TLE7: variants seen among roughly 807,000 people sequenced by gnomAD.
TLE7 encodes the protein transducin-like enhancer protein 7.
In TLE7 at chr16:71,431,783, A is replaced by C. The variant is rs2042805119; in HGVS notation, c.829T>G (p.Leu277Val). ...TACCTGATCAAGATTTGGTTCTGCA[A>C]ATCCCAAATCTCAACAAATCCATGG... ...CFHGFVEIWD[L>V]QNQILIRKHE... The change falls in exon 6 of 10, where the codon TTG (leucine) becomes GTG (valine). Residue 277 changes from leucine (L) to valine (V), a missense_variant. Transcript: ENST00000561754. This position sits in a 1 kb window ranked among gnomAD's most constrained non-coding sequence, Gnocchi z 4.5. 2.5e-6 allele frequency: 1 copy of C among 400,740 alleles called. No individual in the cohort carries two copies. Among genetic ancestry groups the C allele is most frequent in the Non-Finnish European group, 4.4e-6 (1 of 226,238 alleles). 24.8% of individuals were successfully genotyped at this position (400,740 alleles called of 1,614,324 possible). A position where few individuals can be genotyped will look rare whatever the true frequency, so the allele number is the denominator to read the frequency against.
intron 5 of TLE7, 22 bp downstream of exon 5, chr16:71,432,088 T>A (rs577196358): frequency 5.2e-5 from 21 of 401,064 alleles, no homozygotes; most frequent in Middle Eastern, 6.2e-4. Flanking sequence ...GTTCCCTGAG[T>A]CCTGCTTTGG....
At position 71,430,155 on chromosome 16, in the gene TLE7, CAG is replaced by C. The variant is rs1567555222; in HGVS notation, c.*105_*106del. Reference sequence around the variant, plus strand: ...AGGGGAGGGATGACCCAAGCTAAGGCAGAGGAGATGGCAGGTGTTAGAGGTGT... The same window carrying C: ...AGGGGAGGGATGACCCAAGCTAAGGCAGGAGATGGCAGGTGTTAGAGGTGT... On this transcript the variant is annotated 3_prime_UTR_variant, in exon 10 of 10. Coordinates refer to ENST00000561754, the MANE Select transcript of TLE7 (RefSeq NM_001367365.2). 1 of 396,816 alleles carries C rather than the reference CAG, an allele frequency of 2.5e-6. No individual in the cohort carries two copies. Among genetic ancestry groups the C allele is most frequent in the Non-Finnish European group, 4.4e-6 (1 of 225,430 alleles). 24.6% of individuals were successfully genotyped at this position (396,816 alleles called of 1,614,324 possible). A position where few individuals can be genotyped will look rare whatever the true frequency, so the allele number is the denominator to read the frequency against.
intron 1 of TLE7, among the ~76,000 whole-genome samples, chr16:71,441,742 G>C (rs1021665859): frequency 2.6e-5 from 4 of 152,216 alleles, no homozygotes; most frequent in Non-Finnish European, 5.9e-5. Context: ...CTTCCAGACC[G>C]AGGCCAGAGC....
chr16:71,434,238 G>A (rs1273157457), intron 1 of TLE7, among the ~76,000 whole-genome samples: 1 of 152,100 alleles, frequency 6.6e-6, no homozygotes, highest in East Asian at 1.9e-4. Flanking sequence ...AGAATACTCG[G>A]CATTGTACAA....
chr16:71,437,114 C>T (rs1219307914), intron 1 of TLE7, among the ~76,000 whole-genome samples: 5 of 151,908 alleles, frequency 3.3e-5, no homozygotes, highest in African/African-American at 7.3e-5. Flanking sequence ...TTTGGGAAGC[C>T]GAGGCAGGTG....
At position 71,431,909 on chromosome 16, in the gene TLE7, A is replaced by C. The variant is rs2042805803; in HGVS notation, c.703T>G (p.Leu235Val). 1 of 400,608 alleles carries C rather than the reference A, an allele frequency of 2.5e-6. No homozygotes were observed. The highest frequency in any genetic ancestry group is 4.4e-5 in the Admixed American group (1 of 22,710). 24.8% of individuals were successfully genotyped at this position (400,608 alleles called of 1,614,324 possible). A position where few individuals can be genotyped will look rare whatever the true frequency, so the allele number is the denominator to read the frequency against. ...GASQAVTLWDLAPTPQVRAQL... is the reference protein window; with the variant it reads ...GASQAVTLWDVAPTPQVRAQL... ...GCCCTGACCTGGGGGGTGGGTGCCA[A>C]GTCCCAGAGAGTCACGGCCTGGGAC... The change falls in exon 6 of 10, where the codon TTG becomes GTG. Residue 235 changes from leucine (L) to valine (V), a missense_variant. Coordinates refer to ENST00000561754, the MANE Select transcript of TLE7 (RefSeq NM_001367365.2). This position sits in a 1 kb window ranked among gnomAD's most constrained non-coding sequence, Gnocchi z 4.5.
At position 71,431,514 on chromosome 16, in the gene TLE7, G is replaced by C; in HGVS notation, c.900C>G (p.Gly300=). 2.5e-6 allele frequency: 1 copy of C among 400,788 alleles called. No individual in the cohort carries two copies. The highest frequency in any genetic ancestry group is 3.1e-4 in the Middle Eastern group (1 of 3,220). The allele number at this position is 400,788 out of a possible 1,614,324, so 24.8% of individuals were successfully genotyped here. The change falls in exon 7 of 10, where the codon GGC becomes GGG. Residue 300 remains glycine (G), a synonymous_variant. Coordinates refer to ENST00000561754, the MANE Select transcript of TLE7 (RefSeq NM_001367365.2). The surrounding 1 kb of genome is among the most constrained non-coding windows in gnomAD (Gnocchi z 4.5). ...VYGSRCVDIT[G]NIFWTGGEDT... ...CTTCACCTCCTGTCCAGAATATATT[G>C]CCGGTGATGTCCACACATCGGGACC...
Position 71,430,032 on chromosome 16 carries a change from G to A in TLE7, c.*230C>T, listed in dbSNP as rs574243382. Among the ~76,000 whole-genome samples, 1 of 152,106 alleles carries A rather than the reference G, an allele frequency of 6.6e-6. No homozygotes were observed. The highest frequency in any genetic ancestry group is 1.5e-5 in the Non-Finnish European group (1 of 68,012). ...ATTACAAAGGGATCTCAAGTTTCCT[G>A]CCAAAACCCAGAAATCAGTGGTAGG... On this transcript the variant is annotated 3_prime_UTR_variant, in exon 10 of 10. Transcript: ENST00000561754.
chr16:71,432,917 G>T, intron 2 of TLE7, 25 bp from the exon 3 acceptor site: 1 of 399,060 alleles, frequency 2.5e-6, no homozygotes. Context: ...GAGAGGGAGG[G>T]AGGAGACAGA....
intron 1 of TLE7, among the ~76,000 whole-genome samples, chr16:71,440,156 T>C (rs1043148938): frequency 3.9e-5 from 6 of 152,186 alleles, no homozygotes; most frequent in African/African-American, 1.4e-4. Flanking sequence ...AGGCCAGTCC[T>C]TAGAGACAGA....
chr16:71,438,805 G>A (rs2042836829), intron 1 of TLE7, among the ~76,000 whole-genome samples: 1 of 152,120 alleles, frequency 6.6e-6, no homozygotes, highest in African/African-American at 2.4e-5. Context: ...ATAACCAGAT[G>A]GACAGAGAGT....
chr16:71,438,964 A>C (rs1341818268), intron 1 of TLE7, among the ~76,000 whole-genome samples: 9 of 152,250 alleles, frequency 5.9e-5, no homozygotes, highest in Admixed American at 1.3e-4. Context: ...CACGCAGAGA[A>C]AGCAAACAGG....
rs867360802 is a variant in TLE7 at position 71,431,383 on chromosome 16, T to G, written c.993+38A>C. 1 of 400,208 alleles carries G rather than the reference T, an allele frequency of 2.5e-6. No homozygotes were observed. The highest frequency in any genetic ancestry group is 3.8e-4 in the Middle Eastern group (1 of 2,658). The allele number at this position is 400,208 out of a possible 1,614,324, so 24.8% of individuals were successfully genotyped here. On this transcript the variant is annotated intron_variant, in intron 7 of 9. Coordinates refer to ENST00000561754, the MANE Select transcript of TLE7 (RefSeq NM_001367365.2). The surrounding 1 kb of genome is among the most constrained non-coding windows in gnomAD (Gnocchi z 4.5). ...CCCCTGCCTCCATGCATGGCTCCAC[T>G]ACAGGTGGCATTCTGCCAGTGGTGG...
At position 71,431,091 on chromosome 16, in the gene TLE7, CCCAGAGGT is replaced by C. The variant is rs1567555406; in HGVS notation, c.1147+22_1147+29del. On this transcript the variant is annotated intron_variant, in intron 8 of 9. Coordinates refer to ENST00000561754, the MANE Select transcript of TLE7 (RefSeq NM_001367365.2). The surrounding 1 kb of genome is among the most constrained non-coding windows in gnomAD (Gnocchi z 4.5). ...ACGACAGCAAGTTCAAAATCGGACA[CCCAGAGGT>C]GTCACCTGGCTTCTCACTCACCACA... 1 of 400,620 alleles carries C rather than the reference CCCAGAGGT, an allele frequency of 2.5e-6. No homozygotes were observed. The highest frequency in any genetic ancestry group is 4.4e-6 in the Non-Finnish European group (1 of 226,254). The allele number at this position is 400,620 out of a possible 1,614,324, so 24.8% of individuals were successfully genotyped here. A position where few individuals can be genotyped will look rare whatever the true frequency, so the allele number is the denominator to read the frequency against.
Position 71,430,179 on chromosome 16 carries a change from G to A in TLE7, c.*83C>T. On this transcript the variant is annotated 3_prime_UTR_variant, in exon 10 of 10. Transcript: ENST00000561754. Reference sequence around the variant, plus strand: ...GCAGAGGAGATGGCAGGTGTTAGAGGTGTCCAGCACTCTGAAGCCATCCTC... The same window carrying A: ...GCAGAGGAGATGGCAGGTGTTAGAGATGTCCAGCACTCTGAAGCCATCCTC... 2.5e-6 allele frequency: 1 copy of A among 398,032 alleles called. No homozygotes were observed. Among genetic ancestry groups the A allele is most frequent in the Non-Finnish European group, 4.4e-6 (1 of 225,886 alleles). 24.7% of individuals were successfully genotyped at this position (398,032 alleles called of 1,614,324 possible).
intron 1 of TLE7, among the ~76,000 whole-genome samples, chr16:71,439,228 C>T (rs2042838222): frequency 6.6e-6 from 1 of 151,866 alleles, no homozygotes. Context: ...GTGTGTGAGC[C>T]CAGAGAAAGT....
rs539906763 is a variant in TLE7, at chr16:71,430,022, C to G, written c.*240G>C. On this transcript the variant is annotated 3_prime_UTR_variant, in exon 10 of 10. Coordinates refer to ENST00000561754, the MANE Select transcript of TLE7 (RefSeq NM_001367365.2). Reference sequence around the variant, plus strand: ...TATTTTATTCATTACAAAGGGATCTCAAGTTTCCTGCCAAAACCCAGAAAT... The same window carrying G: ...TATTTTATTCATTACAAAGGGATCTGAAGTTTCCTGCCAAAACCCAGAAAT... Among the ~76,000 whole-genome samples, 95 of 152,266 alleles carry G rather than the reference C, an allele frequency of 6.2e-4. No homozygotes were observed. Among genetic ancestry groups the G allele is most frequent in the African/African-American group, 2.1e-3 (88 of 41,544 alleles).
At chr16:71,438,127 T>C (rs1383329940) in intron 1 of TLE7, among the ~76,000 whole-genome samples, 2 of 152,146 alleles carry the variant, frequency 1.3e-5, no homozygotes, top group Non-Finnish European at 2.9e-5. Flanking sequence ...TTAGTGTCTC[T>C]ACTTATAAGA....
chr16:71,440,823 G>A (rs1280160801), intron 1 of TLE7, among the ~76,000 whole-genome samples: 1 of 152,122 alleles, frequency 6.6e-6, no homozygotes, highest in Admixed American at 6.5e-5. Context: ...TTTATTTGAG[G>A]GCTGACGCGC....
Sources: allele counts gnomAD v4.1 joint callset (sites outside exome capture counted in the v4.1 genomes callset), GRCh38; gene constraint gnomAD v4.1.1; non-coding constraint Gnocchi (gnomAD v3.1); transcripts MANE v1.5; gene names NCBI Gene and HGNC (gene_info 2026-07-23, HGNC 2026-07-21).